ZNF611: variants seen among roughly 807,000 people sequenced by gnomAD.
The protein encoded by ZNF611 is zinc finger protein 611.
ZNF611 carries 6 observed loss-of-function variants against 8.9 expected under a neutral mutation model. The ratio of observed to expected loss-of-function variants is 0.68; its 90% CI spans 0.37 to 1.34. ZNF611 has a LOEUF of 1.34. Among genes scored for constraint, ZNF611 ranks in the 40% most tolerant of loss-of-function variants. The probability of loss-of-function intolerance (pLI) is 0.02; values close to 1 mark genes in which losing one functional copy is unlikely to be tolerated. For synonymous variants in ZNF611, 262 were observed against 279.7 expected, an observed-to-expected ratio of 0.94 and a Z score of 0.63; for missense variants, 874 against 841.3, an observed-to-expected ratio of 1.04 and a Z score of -0.48.
At chr19:52,726,753 A>T in intron 3 of ZNF611, among the ~76,000 whole-genome samples, 1 of 148,750 alleles carries the variant, frequency 6.7e-6, no homozygotes. Flanking sequence ...TTTAAACAAA[A>T]TTTTTCATGG....
chr19:52,707,959 T>C (rs2062256167), intron 5 of ZNF611, among the ~76,000 whole-genome samples: 1 of 152,124 alleles, frequency 6.6e-6, no homozygotes, highest in Non-Finnish European at 1.5e-5. Flanking sequence ...GAATAGTGCA[T>C]GTCAGTTATA....
chr19:52,725,791 C>A lies in ZNF611; in HGVS notation c.-20+2939G>T, dbSNP rs145445235. ...TGCTGCGCAGGACAGAAGCCAGTCC[C>A]GGGTGGGGCCCCCGAACATGGTGGC... On this transcript the variant is annotated intron_variant, in intron 3 of 5. Transcript: ENST00000652185. Among the ~76,000 whole-genome samples the A allele has an allele frequency of 4.2e-3, 633 of 152,242 alleles. 5 individuals carry two copies. The highest frequency in any genetic ancestry group is 0.015 in the African/African-American group (607 of 41,572).
intron 3 of ZNF611, among the ~76,000 whole-genome samples, chr19:52,718,725 G>C (rs887817021): frequency 6.6e-6 from 1 of 152,026 alleles, no homozygotes. Flanking sequence ...TTGAACTCCA[G>C]AGGCGAACTT....
chr19:52,705,108 A>C lies in ZNF611; in HGVS notation c.1947T>G (p.Ser649=), dbSNP rs1218294528. The change falls in exon 6 of 6, where the codon TCT becomes TCG. Residue 649 remains serine, a synonymous_variant. Transcript: ENST00000652185. ...CCTTGTCACAAATTGTACATTTGTAAGATTTCTCTCCAGTATGAAGTCTAC... is the reference window on the plus strand; with the variant it reads ...CCTTGTCACAAATTGTACATTTGTACGATTTCTCTCCAGTATGAAGTCTAC... ...YHRRLHTGEK[S]YKCTICDKAF... is the part of the protein sequence containing the mutation. 1 of 1,614,038 alleles carries C rather than the reference A, an allele frequency of 6.2e-7. No homozygotes were observed. The highest frequency in any genetic ancestry group is 8.5e-7 in the Non-Finnish European group (1 of 1,179,998).
Position 52,704,638 on chromosome 19 carries a change from T to G in ZNF611, c.*299A>C. The G allele has an allele frequency of 6.3e-7, 1 of 1,589,628 alleles. No homozygotes were observed. Among genetic ancestry groups the G allele is most frequent in the Non-Finnish European group, 8.6e-7 (1 of 1,158,876 alleles). Reference sequence around the variant, plus strand: ...CTCTTCATTATGGATTCTCCAATGATTTGTAATCGTTGTAGCATTACTGAA... The same window carrying G: ...CTCTTCATTATGGATTCTCCAATGAGTTGTAATCGTTGTAGCATTACTGAA... On this transcript the variant is annotated 3_prime_UTR_variant, in exon 6 of 6. Coordinates refer to ENST00000652185, the MANE Select transcript of ZNF611 (RefSeq NM_001161499.2).
At chr19:52,722,520 G>A (rs73576380) in intron 3 of ZNF611, among the ~76,000 whole-genome samples, 1,806 of 152,220 alleles carry the variant, frequency 0.012, 38 homozygotes, top group African/African-American at 0.041. Context: ...AACTGAGTAA[G>A]TCACTGCCCT....
At chr19:52,722,913 T>G (rs1454097220) in intron 3 of ZNF611, among the ~76,000 whole-genome samples, 1,758 of 150,030 alleles carry the variant, frequency 0.012, 40 homozygotes, top group African/African-American at 0.041. Context: ...TCGTTTTTTT[T>G]TTTTTTTTTT....
chr19:52,714,473 C>T (rs150352830), intron 4 of ZNF611, among the ~76,000 whole-genome samples: 4 of 151,424 alleles, frequency 2.6e-5, no homozygotes, highest in African/African-American at 4.9e-5. Flanking sequence ...AGATTATTTG[C>T]GGTCAAGAGT....
At chr19:52,731,730 G>C (rs1281391011) in intron 1 of ZNF611, among the ~76,000 whole-genome samples, 2 of 152,084 alleles carry the variant, frequency 1.3e-5, no homozygotes, top group Non-Finnish European at 2.9e-5. Context: ...CAGCACTTTG[G>C]GAGGCCGAGG....
intron 5 of ZNF611, 39 bp from the exon 6 acceptor site, chr19:52,706,903 C>T (rs1307227020): frequency 3.6e-5 from 57 of 1,579,892 alleles, no homozygotes; most frequent in Non-Finnish European, 4.8e-5. Context: ...CAATTAAGTA[C>T]AGATGGTAAA....
intron 2 of ZNF611, among the ~76,000 whole-genome samples, chr19:52,729,492 C>CAAAAAAAAAAAAAAAAAAAAAAAAAA (rs397859789): frequency 5.7e-4 from 24 of 42,356 alleles, no homozygotes; most frequent in East Asian, 1.8e-3. Context: ...GACTCCATCT[C>CAAAAAAAAAAAAAAAAAAAAAAAAAA]AAAAAAAAAA....
chr19:52,715,960 C>A, intron 3 of ZNF611, 47 bp from the exon 4 acceptor site: 1 of 1,601,014 alleles, frequency 6.2e-7, no homozygotes. Context: ...TGACTCACTC[C>A]CTTCCTGTGA....
rs2062282737 is a variant in ZNF611 at position 52,711,904 on chromosome 19, A to G, written c.190+2111T>C. 2.0e-5 allele frequency among the ~76,000 whole-genome samples: 3 copies of G among 152,266 alleles called. No individual in the cohort carries two copies. The South Asian group carries it at 6.2e-4, about 32-fold the overall frequency. ...GGAAGGGCAAGGGTGGACGGCAGGAAGTAATGGGCATGTAGGAGTGAACTT... is the reference window on the plus strand; with the variant it reads ...GGAAGGGCAAGGGTGGACGGCAGGAGGTAATGGGCATGTAGGAGTGAACTT... On this transcript the variant is annotated intron_variant, in intron 5 of 5. Coordinates refer to ENST00000652185, the MANE Select transcript of ZNF611 (RefSeq NM_001161499.2).
intron 1 of ZNF611, among the ~76,000 whole-genome samples, chr19:52,734,322 T>C (rs1375252878): frequency 6.6e-6 from 1 of 152,062 alleles, no homozygotes; most frequent in Non-Finnish European, 1.5e-5. Context: ...GTCTCCTGAT[T>C]CCTTTGGCCC....
At chr19:52,722,031 C>G (rs1275493770) in intron 3 of ZNF611, among the ~76,000 whole-genome samples, 1 of 149,952 alleles carries the variant, frequency 6.7e-6, no homozygotes, top group African/African-American at 2.5e-5. Flanking sequence ...GCCTGGGCAA[C>G]AAGAGCAAAA....
At chr19:52,724,072 T>C (rs985426209) in intron 3 of ZNF611, 3 of 152,332 alleles carry the variant, frequency 2.0e-5, no homozygotes, top group African/African-American at 7.2e-5. Flanking sequence ...CTTCCTCTTA[T>C]CTCAACTGCA....
chr19:52,703,983 A>G lies in ZNF611; in HGVS notation c.*954T>C. 1 of 185,350 alleles carries G rather than the reference A, an allele frequency of 5.4e-6. No homozygotes were observed. The highest frequency in any genetic ancestry group is 1.1e-5 in the Non-Finnish European group (1 of 87,678). 11.5% of individuals were successfully genotyped at this position (185,350 alleles called of 1,614,324 possible). ...CTCTTTAAAAAGTACTGGCTCAAAA[A>G]AATAATAGAAAATAAGAAACAAAAA... On this transcript the variant is annotated 3_prime_UTR_variant, in exon 6 of 6. Coordinates refer to ENST00000652185, the MANE Select transcript of ZNF611 (RefSeq NM_001161499.2).
At chr19:52,732,373 A>G (rs34545798) in intron 1 of ZNF611, among the ~76,000 whole-genome samples, 34,802 of 99,800 alleles carry the variant, frequency 0.35, 8,757 homozygotes, top group East Asian at 0.43. Flanking sequence ...GTTATTCTGA[A>G]TAACTCACAG....
At chr19:52,732,781 CAAA>C (rs67203350) in intron 1 of ZNF611, among the ~76,000 whole-genome samples, 218 of 124,468 alleles carry the variant, frequency 1.8e-3, no homozygotes, top group African/African-American at 5.1e-3. Context: ...TCCGTTTCTA[CAAA>C]AAAAAAAAAA....
Sources: allele counts gnomAD v4.1 joint callset (sites outside exome capture counted in the v4.1 genomes callset), GRCh38; gene constraint gnomAD v4.1.1; transcripts MANE v1.5; gene names NCBI Gene and HGNC (gene_info 2026-07-23, HGNC 2026-07-21).